The following TRIM2 variants were observed in gnomAD, a reference collection of about 807,000 sequenced individuals.
TRIM2 encodes the protein tripartite motif-containing protein 2.
TRIM2 carries 20 observed loss-of-function variants against 75.2 expected under a neutral mutation model. That is an observed-to-expected ratio of 0.27 (90% CI 0.19 to 0.39). The LOEUF (loss-of-function observed/expected upper bound fraction) is 0.39. TRIM2 is among the 10% of genes least tolerant of loss of function. The pLI is 1.00. For synonymous variants in TRIM2, 373 were observed against 388.3 expected (o/e 0.96, Z 0.46); for missense variants, 660 against 990.8 (o/e 0.67, Z 4.48).
intron 1 of TRIM2, among the ~76,000 whole-genome samples, chr4:153,223,478 T>C (rs9998672): frequency 0.3 from 45,319 of 151,852 alleles, 11,338 homozygotes; most frequent in African/African-American, 0.69. Flanking sequence ...CCTCTTTTAT[T>C]CTTTGCCCCA....
intron 1 of TRIM2, among the ~76,000 whole-genome samples, chr4:153,238,005 G>T (rs1266861146): frequency 6.6e-6 from 1 of 152,146 alleles, no homozygotes; most frequent in Non-Finnish European, 1.5e-5. Flanking sequence ...GACCTCAGGA[G>T]CCAGTTCTGA....
rs145143416 is a variant in TRIM2 at position 153,231,370 on chromosome 4, A to G, written c.30+26810A>G. Among the ~76,000 whole-genome samples, 17 of 152,320 alleles carry G rather than the reference A, an allele frequency of 1.1e-4. No individual in the cohort carries two copies. In the East Asian group the frequency reaches 3.3e-3, roughly 29 times the overall value. On this transcript the variant is annotated intron_variant, in intron 1 of 11. Transcript: ENST00000338700. ...AGAGAACACAATAAGGTAATAAATCAAGGATAATATAATTGAGGAAGAGGG... is the reference window on the plus strand; with the variant it reads ...AGAGAACACAATAAGGTAATAAATCGAGGATAATATAATTGAGGAAGAGGG...
intron 1 of TRIM2, among the ~76,000 whole-genome samples, chr4:153,169,541 C>T (rs1730637684): frequency 6.6e-6 from 1 of 151,888 alleles, no homozygotes; most frequent in African/African-American, 2.4e-5. Context: ...ATTTTTTTGA[C>T]CTATCATTTT....
chr4:153,201,724 T>G (rs1270661445), upstream of TRIM2, among the ~76,000 whole-genome samples: 4 of 152,108 alleles, frequency 2.6e-5, no homozygotes, highest in African/African-American at 9.7e-5. Context: ...AGAAAAAATT[T>G]AAAATTTTAA....
chr4:153,156,466 C>G (rs1729239151), intron 1 of TRIM2, among the ~76,000 whole-genome samples: 1 of 152,128 alleles, frequency 6.6e-6, no homozygotes, highest in African/African-American at 2.4e-5. Flanking sequence ...ACGCCTGCCA[C>G]CTCCCCCACA....
chr4:153,156,097 T>C (rs981847206), intron 1 of TRIM2, among the ~76,000 whole-genome samples: 1 of 152,258 alleles, frequency 6.6e-6, no homozygotes, highest in Admixed American at 6.5e-5. Context: ...TTAAAATGTT[T>C]CGTGCTTGCT....
chr4:153,242,213 T>C (rs1349048216), intron 1 of TRIM2, among the ~76,000 whole-genome samples: 3 of 152,200 alleles, frequency 2.0e-5, no homozygotes, highest in Admixed American at 1.3e-4. Flanking sequence ...CGCTCTTACA[T>C]GTTTATTTTA....
At chr4:153,173,929 C>A (rs1177247296) in intron 1 of TRIM2, among the ~76,000 whole-genome samples, 2 of 152,006 alleles carry the variant, frequency 1.3e-5, no homozygotes, top group East Asian at 3.9e-4. Flanking sequence ...CGTGCCACTG[C>A]AGTCTATCCT....
rs146491698 is a variant in TRIM2, at chr4:153,225,564, G to A, written c.30+21004G>A. Among the ~76,000 whole-genome samples the A allele has an allele frequency of 3.9e-5, 6 of 152,300 alleles. No individual in the cohort carries two copies. In the East Asian group the frequency reaches 9.6e-4, roughly 24 times the overall value. On this transcript the variant is annotated intron_variant, in intron 1 of 11. Transcript: ENST00000338700. Reference sequence around the variant, plus strand: ...CATGTCTGAAAAAGTCCACCTATGAGTTTAATTTAGTATTTTCTCTGGAAG... The same window carrying A: ...CATGTCTGAAAAAGTCCACCTATGAATTTAATTTAGTATTTTCTCTGGAAG...
At chr4:153,301,422 T>G (rs1029636752) in intron 6 of TRIM2, among the ~76,000 whole-genome samples, 1 of 152,192 alleles carries the variant, frequency 6.6e-6, no homozygotes, top group Non-Finnish European at 1.5e-5. Context: ...CTTATCAAGA[T>G]GTAATATTCT....
chr4:153,302,434 A>T (rs1247525632), intron 6 of TRIM2, among the ~76,000 whole-genome samples: 1 of 152,176 alleles, frequency 6.6e-6, no homozygotes. Context: ...GGGATGATAG[A>T]TGTATGAGCA....
At chr4:153,278,914 G>A (rs2150073405) in intron 3 of TRIM2, among the ~76,000 whole-genome samples, 1 of 152,338 alleles carries the variant, frequency 6.6e-6, no homozygotes, top group South Asian at 2.1e-4. Flanking sequence ...AGAACATGGA[G>A]ACAGCGGAGT....
Position 153,296,564 on chromosome 4 carries a change from G to T in TRIM2, c.1510+528G>T, listed in dbSNP as rs540998755. On this transcript the variant is annotated intron_variant, in intron 6 of 11. Coordinates refer to ENST00000338700, the MANE Select transcript of TRIM2 (RefSeq NM_015271.5). ...TTGCAAGTTGCAACCACCTCCAGCT[G>T]TGTGTAGCTGGAGAGCAGCCCCAAG... Among the ~76,000 whole-genome samples the T allele has an allele frequency of 1.3e-5, 2 of 152,168 alleles. 1 individual carries two copies. Among genetic ancestry groups the T allele is most frequent in the Non-Finnish European group, 2.9e-5 (2 of 68,032 alleles).
intron 3 of TRIM2, among the ~76,000 whole-genome samples, chr4:153,284,581 A>T (rs1760168381): frequency 1.3e-5 from 2 of 152,162 alleles, no homozygotes; most frequent in African/African-American, 4.8e-5. Context: ...CTAATTTCTC[A>T]GCATCTTTAC....
chr4:153,323,721 T>G (rs1295066489), intron 9 of TRIM2, among the ~76,000 whole-genome samples: 2 of 152,116 alleles, frequency 1.3e-5, no homozygotes, highest in African/African-American at 4.8e-5. Context: ...TGGTGGGAGC[T>G]GAGGGCTCTA....
chr4:153,152,418 A>ATATG (rs1553955558), upstream of TRIM2: 6 of 146,946 alleles, frequency 4.1e-5, no homozygotes, highest in African/African-American at 1.5e-4. Context: ...GTATATATAT[A>ATATG]TATATATATA....
In TRIM2 at chr4:153,283,861, C is replaced by CTTTTTTTTTTT. The variant is rs71598257; in HGVS notation, c.453+7748_453+7758dup. On this transcript the variant is annotated intron_variant, in intron 3 of 11. Coordinates refer to ENST00000338700, the MANE Select transcript of TRIM2 (RefSeq NM_015271.5). ...TCATCTTGGCCAGGATGGCCTTGAT[C>CTTTTTTTTTTT]TTTTTTTTTTTTTTTTTTTTTTTTT... Among the ~76,000 whole-genome samples, 15 of 53,276 alleles carry CTTTTTTTTTTT rather than the reference C, an allele frequency of 2.8e-4. 2 individuals are homozygous for CTTTTTTTTTTT. Among genetic ancestry groups the CTTTTTTTTTTT allele is most frequent in the African/African-American group, 9.4e-4 (11 of 11,750 alleles). 35.0% of individuals were successfully genotyped at this position (53,276 alleles called of 152,430 possible). A position where few individuals can be genotyped will look rare whatever the true frequency, so the allele number is the denominator to read the frequency against.
At chr4:153,206,294 G>A (rs1735417023) in intron 1 of TRIM2, among the ~76,000 whole-genome samples, 1 of 152,184 alleles carries the variant, frequency 6.6e-6, no homozygotes, top group Non-Finnish European at 1.5e-5. Context: ...AAGTTCTCAC[G>A]ATCCTTCCTC....
chr4:153,251,869 T>C (rs1750952981), intron 1 of TRIM2, among the ~76,000 whole-genome samples: 3 of 152,020 alleles, frequency 2.0e-5, no homozygotes, highest in Admixed American at 2.0e-4. Context: ...TAGTCCCAGC[T>C]ACTGGGGAGA....
Sources: gnomAD v4.1 joint callset for allele counts (sites outside exome capture counted in the v4.1 genomes callset) on GRCh38, gnomAD v4.1.1 for gene constraint, MANE v1.5 for transcripts, NCBI Gene and HGNC (gene_info 2026-07-23, HGNC 2026-07-21) for gene names.